The following ADARB2 variants were observed in gnomAD, a reference collection of about 807,000 sequenced individuals.
ADARB2 encodes the protein inactive double-stranded RNA-specific editase B2.
In ADARB2, 25 loss-of-function variants were observed where a neutral mutation model predicts 62.2. The ratio of observed to expected loss-of-function variants is 0.40; its 90% CI spans 0.29 to 0.56. ADARB2 has a LOEUF of 0.56. ADARB2 is among the 20% of genes least tolerant of loss of function. ADARB2 has a pLI of 0.43. For synonymous variants in ADARB2, 572 were observed against 500.8 expected (o/e 1.14, Z -1.90); for missense variants, 1,071 against 1,077.4 (o/e 0.99, Z 0.08).
Position 1,633,543 on chromosome 10 carries a change from A to C in ADARB2, c.100+103508T>G, listed in dbSNP as rs985613941. Among the ~76,000 whole-genome samples the C allele has an allele frequency of 1.6e-4, 19 of 119,608 alleles. No homozygotes were observed. In the East Asian group the frequency reaches 4.7e-3, roughly 30 times the overall value. The allele number at this position is 119,608 out of a possible 152,430, so 78.5% of individuals were successfully genotyped here. A position where few individuals can be genotyped will look rare whatever the true frequency, so the allele number is the denominator to read the frequency against. ...AGTGAGTCTGTCTGTCTGTCTGTCT[A>C]TCTATCATCTATCTATCTATCTATC... On this transcript the variant is annotated intron_variant, in intron 1 of 9. Transcript: ENST00000381312.
intron 1 of ADARB2, among the ~76,000 whole-genome samples, chr10:1,590,167 C>T (rs536588248): frequency 5.9e-5 from 9 of 152,302 alleles, no homozygotes; most frequent in Admixed American, 3.9e-4. Flanking sequence ...GGCATAGTGG[C>T]GCTGAGCCTG....
chr10:1,261,905 A>G (rs1183760898), intron 4 of ADARB2, among the ~76,000 whole-genome samples: 5 of 149,134 alleles, frequency 3.4e-5, no homozygotes, highest in African/African-American at 1.3e-4. Context: ...ATGTCCAACA[A>G]TGATAGACTG....
chr10:1,451,408 C>T (rs947233845), intron 1 of ADARB2, among the ~76,000 whole-genome samples: 4 of 152,166 alleles, frequency 2.6e-5, no homozygotes, highest in Non-Finnish European at 1.5e-5. Context: ...CTCATAGGGC[C>T]AAGTGAGGCT....
chr10:1,222,127 T>C (rs1376018304), intron 6 of ADARB2, among the ~76,000 whole-genome samples: 1 of 152,268 alleles, frequency 6.6e-6, no homozygotes, highest in Non-Finnish European at 1.5e-5. Flanking sequence ...TGTGAGATGG[T>C]ATCTCATTGT....
At chr10:1,242,084 C>G (rs752285018) in intron 5 of ADARB2, 47 bp downstream of exon 5, 1 of 1,535,536 alleles carries the variant, frequency 6.5e-7, no homozygotes, top group Non-Finnish European at 8.7e-7. Flanking sequence ...CTGGCAGCCC[C>G]CAGCCGCGGC....
Position 1,220,231 on chromosome 10 carries a change from ATGG to A in ADARB2, c.1514-3115_1514-3113del, listed in dbSNP as rs371163682. On this transcript the variant is annotated intron_variant, in intron 6 of 9. Coordinates refer to ENST00000381312, the MANE Select transcript of ADARB2 (RefSeq NM_018702.4). ...GGTGGTGATGATGGTGATGGTGATGATGGTGGTGATAATGGTGGTGGTGGTGAT... is the reference window on the plus strand; with the variant it reads ...GGTGGTGATGATGGTGATGGTGATGATGGTGATAATGGTGGTGGTGGTGAT... Among the ~76,000 whole-genome samples the A allele has an allele frequency of 9.5e-3, 1,081 of 113,742 alleles. 15 individuals carry two copies. The highest frequency in any genetic ancestry group is 0.033 in the African/African-American group (1,000 of 30,284). 74.6% of individuals were successfully genotyped at this position (113,742 alleles called of 152,430 possible).
At chr10:1,564,198 A>G (rs1469007045) in intron 1 of ADARB2, among the ~76,000 whole-genome samples, 1 of 152,228 alleles carries the variant, frequency 6.6e-6, no homozygotes, top group Non-Finnish European at 1.5e-5. Context: ...TCCCTGAGGA[A>G]TCGCCACACT....
chr10:1,303,248 C>T (rs1016386724), intron 3 of ADARB2, among the ~76,000 whole-genome samples: 13 of 151,782 alleles, frequency 8.6e-5, no homozygotes, highest in African/African-American at 2.4e-4. Context: ...CCTCAGGAGC[C>T]GATGCGATCA....
chr10:1,567,512 G>A (rs942142397), intron 1 of ADARB2, among the ~76,000 whole-genome samples: 2 of 152,178 alleles, frequency 1.3e-5, no homozygotes, highest in African/African-American at 2.4e-5. Flanking sequence ...TCAATCTGTC[G>A]GGACCCAAAG....
At chr10:1,678,206 G>A in intron 1 of ADARB2, 1 of 985,400 alleles carries the variant, frequency 1.0e-6, no homozygotes, top group African/African-American at 1.7e-5. Context: ...ACCTCAGGGT[G>A]AGTGGCCTCA....
chr10:1,702,001 T>G (rs1213763703), intron 1 of ADARB2, among the ~76,000 whole-genome samples: 2 of 152,140 alleles, frequency 1.3e-5, no homozygotes, highest in African/African-American at 4.8e-5. Context: ...ACTGTGAAAT[T>G]TAAAGAAAGA....
At chr10:1,492,799 G>T (rs61831907) in intron 1 of ADARB2, among the ~76,000 whole-genome samples, 23,512 of 152,004 alleles carry the variant, frequency 0.15, 2,208 homozygotes, top group Middle Eastern at 0.23. Flanking sequence ...AAGGAGGTGG[G>T]AGACGAGGCC....
intron 1 of ADARB2, among the ~76,000 whole-genome samples, chr10:1,557,362 C>T (rs1166431994): frequency 2.0e-5 from 3 of 152,120 alleles, no homozygotes; most frequent in Non-Finnish European, 2.9e-5. Flanking sequence ...ACTCTCAACC[C>T]GTCAGCCAGG....
At chr10:1,467,173 G>T (rs754532868) in intron 1 of ADARB2, among the ~76,000 whole-genome samples, 83 of 152,180 alleles carry the variant, frequency 5.5e-4, no homozygotes, top group Non-Finnish European at 1.9e-4. Flanking sequence ...ATGTGAGCAT[G>T]GCAGTCACTC....
chr10:1,580,697 C>G (rs1359307929), intron 1 of ADARB2, among the ~76,000 whole-genome samples: 3 of 151,998 alleles, frequency 2.0e-5, no homozygotes, highest in Non-Finnish European at 4.4e-5. Context: ...GTCTTGGATC[C>G]ACATTGGAAC....
chr10:1,401,790 C>T (rs1316294308), intron 1 of ADARB2, among the ~76,000 whole-genome samples: 1 of 152,138 alleles, frequency 6.6e-6, no homozygotes, highest in Non-Finnish European at 1.5e-5. Context: ...TCTTGCTTGT[C>T]TTTAGAAAAC....
At chr10:1,245,127 G>C (rs1477609850) in intron 4 of ADARB2, among the ~76,000 whole-genome samples, 1 of 152,108 alleles carries the variant, frequency 6.6e-6, no homozygotes, top group Non-Finnish European at 1.5e-5. Flanking sequence ...GCTGGGGCTG[G>C]ACATGGTGCA....
At chr10:1,705,288 C>T (rs2119145370) in intron 1 of ADARB2, among the ~76,000 whole-genome samples, 1 of 152,228 alleles carries the variant, frequency 6.6e-6, no homozygotes, top group Non-Finnish European at 1.5e-5. Flanking sequence ...GTGCCTCTGC[C>T]CACTCTATGC....
chr10:1,269,123 C>G (rs955381723), intron 4 of ADARB2, among the ~76,000 whole-genome samples: 1 of 152,134 alleles, frequency 6.6e-6, no homozygotes. Context: ...ACTCCCTCCC[C>G]CTACCCTTCC....
Sources: allele counts gnomAD v4.1 joint callset (sites outside exome capture counted in the v4.1 genomes callset), GRCh38; gene constraint gnomAD v4.1.1; transcripts MANE v1.5; gene names NCBI Gene and HGNC (gene_info 2026-07-23, HGNC 2026-07-21).